The following TMBIM4 variants were observed in gnomAD, a reference collection of about 807,000 sequenced individuals.
TMBIM4 encodes the protein protein lifeguard 4.
Under a neutral mutation model 27.7 loss-of-function variants are expected in TMBIM4, and 28 were observed. That is an observed-to-expected ratio of 1.01 (90% CI 0.75 to 1.38). The LOEUF (loss-of-function observed/expected upper bound fraction) is 1.38, where lower values mean the gene tolerates loss of function less well. Among genes scored for constraint, TMBIM4 ranks in the 40% most tolerant of loss-of-function variants. TMBIM4 has a pLI of 0.00. For synonymous variants in TMBIM4, 115 were observed against 113.1 expected, an observed-to-expected ratio of 1.02 and a Z score of -0.11; for missense variants, 265 against 277.5, an observed-to-expected ratio of 0.95 and a Z score of 0.32.
intron 1 of TMBIM4, among the ~76,000 whole-genome samples, chr12:66,167,593 G>T (rs2052153133): frequency 1.3e-5 from 2 of 152,150 alleles, no homozygotes; most frequent in South Asian, 4.1e-4. Flanking sequence ...ATTTTAAAAA[G>T]AAAGAAAAGA....
At chr12:66,160,050 A>G in intron 1 of TMBIM4, 1 of 564,670 alleles carries the variant, frequency 1.8e-6, no homozygotes, top group Non-Finnish European at 3.2e-6. Context: ...CTGAAGTTTT[A>G]TTGGGACACA....
At position 66,138,078 on chromosome 12, in the gene TMBIM4, G is replaced by A. The variant is rs377571803; in HGVS notation, c.599C>T (p.Ser200Leu). The A allele has an allele frequency of 1.1e-4, 185 of 1,613,908 alleles. No homozygotes were observed. Among genetic ancestry groups the A allele is most frequent in the Admixed American group, 1.5e-4 (9 of 59,998 alleles). Residue 200 changes from serine (S) to leucine (L), a missense_variant, in exon 7 of 7, where the codon TCA becomes TTA. By Grantham distance (145) the Ser-to-Leu change is moderately radical. Coordinates refer to ENST00000358230, the MANE Select transcript of TMBIM4 (RefSeq NM_016056.4). ...FCGFIIYDTH[S>L]LMHKLSPEEY... ...TTCAGGTGACAGTTTATGCATCAGT[G>A]AGTGTGTGTCATAGATGATGAATCC...
At chr12:66,151,988 T>TA (rs770590704) in intron 3 of TMBIM4, among the ~76,000 whole-genome samples, 1 of 152,154 alleles carries the variant, frequency 6.6e-6, no homozygotes, top group East Asian at 1.9e-4. Flanking sequence ...TGAAAAAACT[T>TA]AGACACAGAA....
intron 1 of TMBIM4, among the ~76,000 whole-genome samples, chr12:66,166,158 G>C (rs2052122549): frequency 6.6e-6 from 1 of 152,152 alleles, no homozygotes; most frequent in Admixed American, 6.5e-5. Context: ...ATTTGTTGAA[G>C]AGACTGCCCT....
At chr12:66,161,324 T>C (rs1427144838) in intron 1 of TMBIM4, among the ~76,000 whole-genome samples, 2 of 152,190 alleles carry the variant, frequency 1.3e-5, no homozygotes, top group African/African-American at 4.8e-5. Flanking sequence ...CACTGCAAGC[T>C]CCGCCTCCCA....
At chr12:66,146,881 A>G (rs10506480) in intron 4 of TMBIM4, among the ~76,000 whole-genome samples, 33,012 of 152,062 alleles carry the variant, frequency 0.22, 4,232 homozygotes, top group Middle Eastern at 0.31. Context: ...TAATTTAAGT[A>G]TACGATTAGG....
intron 2 of TMBIM4, among the ~76,000 whole-genome samples, chr12:66,153,051 A>G (rs946243896): frequency 6.6e-6 from 1 of 152,096 alleles, no homozygotes; most frequent in Admixed American, 6.5e-5. Context: ...ATAGTCTAAT[A>G]AAGTTTTTAA....
chr12:66,138,651 A>T, intron 6 of TMBIM4, 73 bp downstream of exon 6: 1 of 1,139,918 alleles, frequency 8.8e-7, no homozygotes, highest in Non-Finnish European at 1.3e-6. Flanking sequence ...AGTATCTCTT[A>T]TAGCTTTTTG....
At chr12:66,154,875 C>T (rs2051906312) in intron 1 of TMBIM4, among the ~76,000 whole-genome samples, 1 of 152,192 alleles carries the variant, frequency 6.6e-6, no homozygotes, top group South Asian at 2.1e-4. Flanking sequence ...CCCTCTGGCA[C>T]TCTTTCCAAA....
Position 66,153,283 on chromosome 12 carries a change from G to C in TMBIM4, c.206+57C>G, listed in dbSNP as rs576032465. On this transcript the variant is annotated intron_variant, in intron 2 of 6. Coordinates refer to ENST00000358230, the MANE Select transcript of TMBIM4 (RefSeq NM_016056.4). ...AAAAAGTGGATTTTGTTTATAATAT[G>C]CCTTTTTGATCATATGCAATGTCTG... is the stretch of plus-strand genomic sequence containing the variant. 3.0e-4 allele frequency: 299 copies of C among 997,298 alleles called. No individual in the cohort carries two copies. In the Middle Eastern group the frequency reaches 8.6e-3, roughly 29 times the overall value. 61.8% of individuals were successfully genotyped at this position (997,298 alleles called of 1,614,324 possible).
chr12:66,138,028 G>C lies in TMBIM4; in HGVS notation c.649C>G (p.Leu217Val), dbSNP rs2051605917. 5.0e-6 allele frequency: 8 copies of C among 1,613,944 alleles called. No individual in the cohort carries two copies. In the East Asian group the frequency reaches 1.8e-4, roughly 36 times the overall value. Residue 217 changes from leucine to valine, a missense_variant, in exon 7 of 7, where the codon CTC (leucine) becomes GTC (valine). Transcript: ENST00000358230. ...PEEYVLAAIS[L>V]YLDIINLFLH... is the part of the protein sequence containing the mutation. ...AATAGATTGATGATATCCAAGTAGA[G>C]GCTGATGGCAGCTAATACGTACTCT...
At chr12:66,151,821 A>G (rs187403062) in intron 3 of TMBIM4, among the ~76,000 whole-genome samples, 20 of 152,362 alleles carry the variant, frequency 1.3e-4, no homozygotes, top group East Asian at 9.6e-4. Context: ...TTAAAAGATC[A>G]GAGTGATAAG....
At chr12:66,140,666 T>C (rs544388231) in intron 5 of TMBIM4, among the ~76,000 whole-genome samples, 2 of 152,120 alleles carry the variant, frequency 1.3e-5, no homozygotes, top group South Asian at 4.2e-4. Context: ...ACTCAGGAGG[T>C]GGAGGGATCA....
At chr12:66,153,493 T>A (rs571980134) in intron 1 of TMBIM4, 45 bp from the exon 2 acceptor site, 1 of 1,164,420 alleles carries the variant, frequency 8.6e-7, no homozygotes, top group Non-Finnish European at 1.2e-6. Flanking sequence ...TAACCATTTA[T>A]CATAGAACAG....
chr12:66,153,202 C>T (rs2051877496), intron 2 of TMBIM4, 138 bp downstream of exon 2: 1 of 544,820 alleles, frequency 1.8e-6, no homozygotes, highest in East Asian at 3.7e-5. Flanking sequence ...CAAAACTAAT[C>T]AGGCTTATAA....
rs1299529249 is a variant in TMBIM4, at chr12:66,152,381, A to G, written c.207-5T>C. ...AACAGCAAAATTAAGGCAGGACTGAAAGACATAATATTAAGTGTTTCAAGT... is the reference window on the plus strand; with the variant it reads ...AACAGCAAAATTAAGGCAGGACTGAGAGACATAATATTAAGTGTTTCAAGT... On this transcript the variant is annotated splice_region_variant and splice_polypyrimidine_tract_variant and intron_variant, in intron 2 of 6. Transcript: ENST00000358230. 6.3e-7 allele frequency: 1 copy of G among 1,594,336 alleles called. No individual in the cohort carries two copies. The highest frequency in any genetic ancestry group is 8.6e-7 in the Non-Finnish European group (1 of 1,165,706).
At chr12:66,157,936 A>G (rs2051963597) in intron 1 of TMBIM4, among the ~76,000 whole-genome samples, 1 of 152,206 alleles carries the variant, frequency 6.6e-6, no homozygotes, top group Non-Finnish European at 1.5e-5. Flanking sequence ...AAGAAATGTC[A>G]AAAAGATGGG....
At chr12:66,140,030 T>C (rs1439878670) in intron 5 of TMBIM4, among the ~76,000 whole-genome samples, 2 of 152,154 alleles carry the variant, frequency 1.3e-5, no homozygotes, top group African/African-American at 4.8e-5. Flanking sequence ...AGGAGAACAA[T>C]GCCAAATATA....
intron 1 of TMBIM4, among the ~76,000 whole-genome samples, chr12:66,166,269 A>AG (rs903686167): frequency 6.6e-6 from 1 of 152,166 alleles, no homozygotes; most frequent in Non-Finnish European, 1.5e-5. Flanking sequence ...GTTTGAGACC[A>AG]GCCTGACTAA....
Sources: allele counts gnomAD v4.1 joint callset (sites outside exome capture counted in the v4.1 genomes callset), GRCh38; gene constraint gnomAD v4.1.1; transcripts MANE v1.5; gene names NCBI Gene and HGNC (gene_info 2026-07-23, HGNC 2026-07-21).